The following PRIM2 variants were observed in gnomAD, a reference collection of about 807,000 sequenced individuals.
The protein encoded by PRIM2 is DNA primase large subunit.
PRIM2 carries 39 observed loss-of-function variants against 67.3 expected under a neutral mutation model. The ratio of observed to expected loss-of-function variants is 0.58; its 90% CI spans 0.45 to 0.76. The LOEUF (loss-of-function observed/expected upper bound fraction) is 0.76, where lower values mean the gene tolerates loss of function less well. Ranked by LOEUF, PRIM2 falls within the 30% of genes least tolerant of loss-of-function variation. The pLI is 0.00. For missense variants in PRIM2, 398 were observed against 598.7 expected, an observed-to-expected ratio of 0.66 and a Z score of 3.50; for synonymous variants, 143 against 198.7, an observed-to-expected ratio of 0.72 and a Z score of 2.36.
intron 9 of PRIM2, among the ~76,000 whole-genome samples, chr6:57,536,593 A>G (rs1775007658): frequency 6.6e-6 from 1 of 152,248 alleles, no homozygotes; most frequent in Non-Finnish European, 1.5e-5. Context: ...AAACAACCCA[A>G]GTGTTCTTCA....
At chr6:57,455,855 T>C (rs1404613270) in intron 7 of PRIM2, among the ~76,000 whole-genome samples, 1 of 152,194 alleles carries the variant, frequency 6.6e-6, no homozygotes, top group Non-Finnish European at 1.5e-5. Context: ...ATTTTGCTTG[T>C]TAGTTGATTC....
At chr6:57,603,877 T>A (rs1211452507) in intron 11 of PRIM2, among the ~76,000 whole-genome samples, 1 of 152,132 alleles carries the variant, frequency 6.6e-6, no homozygotes, top group East Asian at 1.9e-4. Flanking sequence ...GTAGTTCTTC[T>A]TGTAGAGATC....
chr6:57,552,411 A>G (rs1473478512), intron 10 of PRIM2, among the ~76,000 whole-genome samples: 4 of 151,952 alleles, frequency 2.6e-5, no homozygotes, highest in Non-Finnish European at 5.9e-5. Context: ...TAGCCTACCT[A>G]CTAGGATTGA....
chr6:57,286,551 C>T, the PRIM2 span, among the ~76,000 whole-genome samples: 1 of 152,096 alleles, frequency 6.6e-6, no homozygotes, highest in African/African-American at 2.4e-5. Flanking sequence ...AATTGGCTAG[C>T]CATATACGGA....
intron 7 of PRIM2, chr6:57,497,597 A>G (rs1774032990): frequency 6.6e-6 from 1 of 152,168 alleles, no homozygotes; most frequent in African/African-American, 2.4e-5. Flanking sequence ...TGGAAATTAA[A>G]CTACTTGGGC....
At chr6:57,388,799 A>G (rs1376636254) in intron 7 of PRIM2, among the ~76,000 whole-genome samples, 3 of 152,190 alleles carry the variant, frequency 2.0e-5, no homozygotes, top group Non-Finnish European at 4.4e-5. Context: ...TATTCTGACC[A>G]CGTTAAGTAG....
At chr6:57,382,939 T>C (rs1393567198) in intron 7 of PRIM2, 1 of 152,154 alleles carries the variant, frequency 6.6e-6, no homozygotes, top group Admixed American at 6.5e-5. Context: ...TAAATTTTTA[T>C]TGACTCTCTG....
chr6:57,465,175 A>G (rs1216022664), intron 7 of PRIM2, among the ~76,000 whole-genome samples: 1 of 152,138 alleles, frequency 6.6e-6, no homozygotes, highest in Non-Finnish European at 1.5e-5. Flanking sequence ...GGAAATTCCT[A>G]TGTGTGGAAA....
At position 57,444,296 on chromosome 6, in the gene PRIM2, C is replaced by T. The variant is rs145974315; in HGVS notation, c.693+62128C>T. Among the ~76,000 whole-genome samples, 284 of 152,128 alleles carry T rather than the reference C, an allele frequency of 1.9e-3. 5 individuals are homozygous for T. Among genetic ancestry groups the T allele is most frequent in the East Asian group, 0.016 (82 of 5,180 alleles). The stretch of plus-strand genomic sequence containing the variant: ...AAATTATGGTATTATAGGCTGGGCG[C>T]GGTAGCTCATGCCTGTAATCCCAGC... On this transcript the variant is annotated intron_variant, in intron 7 of 13. Coordinates refer to ENST00000615550, the MANE Select transcript of PRIM2 (RefSeq NM_000947.5).
chr6:57,517,247 T>C (rs1554348375), intron 8 of PRIM2, among the ~76,000 whole-genome samples: 2 of 152,292 alleles, frequency 1.3e-5, no homozygotes, highest in South Asian at 2.1e-4. Flanking sequence ...CAAAGAAAAT[T>C]AGTGATTTTA....
intron 8 of PRIM2, among the ~76,000 whole-genome samples, chr6:57,529,036 C>T (rs1226455368): frequency 5.3e-5 from 8 of 152,138 alleles, no homozygotes; most frequent in African/African-American, 9.7e-5. Context: ...ACCAGCCGGG[C>T]GCAGTGGCTC....
chr6:57,342,451 A>T (rs551507665), intron 5 of PRIM2, among the ~76,000 whole-genome samples: 1 of 78,764 alleles, frequency 1.3e-5, no homozygotes. Context: ...CCAGTTAGGG[A>T]AAGGTCAGCT....
At chr6:57,395,637 A>G (rs1273989915) in intron 7 of PRIM2, among the ~76,000 whole-genome samples, 2 of 151,542 alleles carry the variant, frequency 1.3e-5, no homozygotes, top group African/African-American at 4.8e-5. Context: ...TATCTTTTGT[A>G]TTGTTTTTCT....
chr6:57,255,246 C>G, the PRIM2 span, among the ~76,000 whole-genome samples: 17 of 152,238 alleles, frequency 1.1e-4, no homozygotes, highest in African/African-American at 3.1e-4. Context: ...CACCTGTAAT[C>G]CCAGCACTCT....
intron 7 of PRIM2, among the ~76,000 whole-genome samples, chr6:57,501,547 G>A (rs1195335384): frequency 0.032 from 4,940 of 152,142 alleles, 267 homozygotes; most frequent in African/African-American, 0.11. Context: ...TGATCCACTC[G>A]CCTCAGCCTC....
the PRIM2 span, among the ~76,000 whole-genome samples, chr6:57,272,827 G>T: frequency 1.3e-5 from 2 of 152,154 alleles, no homozygotes; most frequent in African/African-American, 2.4e-5. Context: ...GCCTGATGGT[G>T]ACAAAATCTC....
At chr6:57,315,808 A>G (rs1767470990), upstream of PRIM2, among the ~76,000 whole-genome samples, 1 of 151,988 alleles carries the variant, frequency 6.6e-6, no homozygotes. Flanking sequence ...TCAAGTCTTT[A>G]TATCTTTTTT....
At chr6:57,492,155 A>G in intron 7 of PRIM2, among the ~76,000 whole-genome samples, 1 of 152,250 alleles carries the variant, frequency 6.6e-6, no homozygotes, top group Non-Finnish European at 1.5e-5. Context: ...ACTCCTTTCA[A>G]CATGTCCTCA....
Position 57,542,008 on chromosome 6 carries a change from C to G in PRIM2, c.1020+4383C>G, listed in dbSNP as rs1460347197. ...TTTTTTTTTTTGAGACAGAGTCTCG[C>G]TCTGTCACCCAGGCTGGAGTGCAGT... On this transcript the variant is annotated intron_variant, in intron 10 of 13. Coordinates refer to ENST00000615550, the MANE Select transcript of PRIM2 (RefSeq NM_000947.5). 3.5e-5 allele frequency among the ~76,000 whole-genome samples: 5 copies of G among 142,930 alleles called. No homozygotes were observed. The East Asian group carries it at 1.0e-3, about 29-fold the overall frequency. The allele number at this position is 142,930 out of a possible 152,430, so 93.8% of individuals were successfully genotyped here.
Sources: gnomAD v4.1 joint callset for allele counts (sites outside exome capture counted in the v4.1 genomes callset) on GRCh38, gnomAD v4.1.1 for gene constraint, MANE v1.5 for transcripts, NCBI Gene and HGNC (gene_info 2026-07-23, HGNC 2026-07-21) for gene names.